The following TLR6 variants were observed in gnomAD, a reference collection of about 807,000 sequenced individuals.
TLR6 encodes the protein toll like receptor 6.
In TLR6, 9 loss-of-function variants were observed where a neutral mutation model predicts 16.1. That is an observed-to-expected ratio of 0.56 (90% confidence interval 0.34 to 0.98). The LOEUF is 0.98. Among genes scored for constraint, TLR6 ranks in the 50% least tolerant of loss-of-function variants. The probability of loss-of-function intolerance (pLI) is 0.02; values close to 1 mark genes in which losing one functional copy is unlikely to be tolerated. For missense variants in TLR6, 786 were observed against 921.0 expected (o/e 0.85, Z 1.90); for synonymous variants, 340 against 338.6 (o/e 1.00, Z -0.04).
intron 1 of TLR6, among the ~76,000 whole-genome samples, chr4:38,838,124 G>C (rs1473354240): frequency 6.6e-6 from 1 of 152,148 alleles, no homozygotes; most frequent in East Asian, 1.9e-4. Flanking sequence ...AGAGAAAAGG[G>C]AACTCTTATA....
chr4:38,834,350 GAA>G (rs199516709), intron 1 of TLR6, among the ~76,000 whole-genome samples: 1,374 of 120,930 alleles, frequency 0.011, 25 homozygotes, highest in African/African-American at 0.038. Context: ...CCAGTGAGGC[GAA>G]AAAAAAAAAA....
chr4:38,834,668 A>T (rs1711811452), intron 1 of TLR6, among the ~76,000 whole-genome samples: 1 of 152,220 alleles, frequency 6.6e-6, no homozygotes, highest in African/African-American at 2.4e-5. Context: ...CAAGTCATAT[A>T]GAAGAGACTC....
exon 2 of TLR6, chr4:38,828,539 A>T: frequency 6.2e-7 from 1 of 1,614,090 alleles, no homozygotes; most frequent in Non-Finnish European, 8.5e-7. Context: ...TTGGTTCGTG[A>T]TATGTTCTAT....
chr4:38,833,984 TG>T (rs1711764336), intron 1 of TLR6, among the ~76,000 whole-genome samples: 1 of 151,834 alleles, frequency 6.6e-6, no homozygotes, highest in African/African-American at 2.4e-5. Context: ...CCCAGCACTT[TG>T]GGAGGCTGAG....
intron 1 of TLR6, among the ~76,000 whole-genome samples, chr4:38,831,129 T>G (rs543427559): frequency 1.8e-4 from 27 of 152,062 alleles, no homozygotes; most frequent in Non-Finnish European, 3.4e-4. Context: ...AGTGTGGTTT[T>G]GGTGAAAGAA....
intron 1 of TLR6, among the ~76,000 whole-genome samples, chr4:38,847,309 C>G (rs183854687): frequency 3.3e-5 from 5 of 152,232 alleles, no homozygotes; most frequent in African/African-American, 1.2e-4. Flanking sequence ...GGGGGTGGTT[C>G]CAAGATGGCC....
At position 38,847,423 on chromosome 4, in the gene TLR6, G is replaced by C. The variant is rs769568101; in HGVS notation, c.-65+9338C>G. On this transcript the variant is annotated intron_variant, in intron 1 of 1. Coordinates refer to ENST00000436693, the Ensembl canonical transcript of TLR6. ...TACCGGGTTCATCTCACTGGGGCCC[G>C]TCGGACAGTGGGGGCAGGACAGTGG... Among the ~76,000 whole-genome samples, 29 of 152,114 alleles carry C rather than the reference G, an allele frequency of 1.9e-4. 1 individual carries two copies. Among genetic ancestry groups the C allele is most frequent in the Admixed American group, 1.9e-3 (29 of 15,272 alleles).
chr4:38,843,538 A>C (rs1157824016), intron 1 of TLR6: 1 of 152,236 alleles, frequency 6.6e-6, no homozygotes, highest in Non-Finnish European at 1.5e-5. Context: ...GTAAAACAGG[A>C]AAGAGATGAG....
At chr4:38,848,799 C>T (rs1359269688) in intron 1 of TLR6, among the ~76,000 whole-genome samples, 1 of 152,188 alleles carries the variant, frequency 6.6e-6, no homozygotes, top group Non-Finnish European at 1.5e-5. Flanking sequence ...AAATCTATGT[C>T]TGATTGGTGT....
intron 1 of TLR6, among the ~76,000 whole-genome samples, chr4:38,842,718 C>G (rs889817349): frequency 2.0e-5 from 3 of 152,232 alleles, no homozygotes; most frequent in African/African-American, 7.2e-5. Context: ...GGCATCCTGG[C>G]CGCCTGTCCT....
In TLR6 at chr4:38,829,142, T is replaced by G. The variant is rs1356495524; in HGVS notation, c.332A>C (p.Gln111Pro). The change falls in exon 2 of 2, where the codon CAG becomes CCG. Residue 111 changes from glutamine to proline, a missense_variant. Transcript: ENST00000436693. ...AGGATGGCAGGATATCTTTTGCAAC[T>G]GATTATGAGATAAATCCAAATATTC... 6.2e-7 allele frequency: 1 copy of G among 1,614,138 alleles called. No individual in the cohort carries two copies. The highest frequency in any genetic ancestry group is 8.5e-7 in the Non-Finnish European group (1 of 1,179,984).
the TLR6 span, chr4:38,868,144 T>A: frequency 4.2e-6 from 1 of 237,078 alleles, no homozygotes; most frequent in East Asian, 1.1e-4. Context: ...CCCCTCGGCC[T>A]GCGTGAACCT....
upstream of TLR6, among the ~76,000 whole-genome samples, chr4:38,858,817 GA>G (rs1395277517): frequency 2.6e-4 from 29 of 112,980 alleles, no homozygotes; most frequent in East Asian, 2.7e-3. Context: ...GAGAGAGGGA[GA>G]GAGAGAGAGA....
At chr4:38,841,930 CAT>C (rs1419732403) in intron 1 of TLR6, among the ~76,000 whole-genome samples, 1 of 152,086 alleles carries the variant, frequency 6.6e-6, no homozygotes, top group East Asian at 1.9e-4. Flanking sequence ...GTCATGTTTT[CAT>C]ATGTTTCTCA....
chr4:38,852,371 T>C (rs1040109583), intron 1 of TLR6, among the ~76,000 whole-genome samples: 18 of 151,958 alleles, frequency 1.2e-4, no homozygotes, highest in African/African-American at 4.1e-4. Flanking sequence ...AAAGACAAAA[T>C]TGACAAATGG....
At chr4:38,846,805 T>A (rs999009963) in intron 1 of TLR6, among the ~76,000 whole-genome samples, 8 of 152,122 alleles carry the variant, frequency 5.3e-5, no homozygotes, top group Admixed American at 5.2e-4. Flanking sequence ...CCATGTAAGA[T>A]AGTTGTCTAA....
intron 1 of TLR6, among the ~76,000 whole-genome samples, chr4:38,839,541 G>C (rs1370445657): frequency 6.6e-6 from 1 of 152,184 alleles, no homozygotes; most frequent in Non-Finnish European, 1.5e-5. Context: ...ATACTCAGTA[G>C]TTTATACCAG....
At chr4:38,831,293 C>CAAAAAAAAAA (rs59585432) in intron 1 of TLR6, among the ~76,000 whole-genome samples, 1 of 140,458 alleles carries the variant, frequency 7.1e-6, no homozygotes, top group Non-Finnish European at 1.6e-5. Flanking sequence ...CCTCCACATG[C>CAAAAAAAAAA]AAAAAAAAAA....
chr4:38,838,167 A>G (rs984555967), intron 1 of TLR6, among the ~76,000 whole-genome samples: 5 of 152,262 alleles, frequency 3.3e-5, no homozygotes, highest in African/African-American at 9.6e-5. Flanking sequence ...TAGTACAGCC[A>G]TTATGGAGAA....
Sources: gnomAD v4.1 joint callset for allele counts (sites outside exome capture counted in the v4.1 genomes callset) on GRCh38, gnomAD v4.1.1 for gene constraint, MANE v1.5 for transcripts, NCBI Gene and HGNC (gene_info 2026-07-23, HGNC 2026-07-21) for gene names.